AUTS2: variants seen among roughly 807,000 people sequenced by gnomAD.
The protein encoded by AUTS2 is activator of transcription and developmental regulator AUTS2, also known as autism susceptibility gene 2 protein.
Under a neutral mutation model 112.4 loss-of-function variants are expected in AUTS2, and 17 were observed. The ratio of observed to expected loss-of-function variants is 0.15; its 90% CI spans 0.10 to 0.23. The LOEUF is 0.23. Ranked by LOEUF, AUTS2 falls within the 10% of genes least tolerant of loss-of-function variation. AUTS2 has a pLI of 1.00. For missense variants in AUTS2, 1,510 were observed against 1,701.6 expected (o/e 0.89, Z 1.98); for synonymous variants, 751 against 702.7 (o/e 1.07, Z -1.09).
At chr7:70,303,475 G>C (rs991070801) in intron 4 of AUTS2, among the ~76,000 whole-genome samples, 30 of 106,426 alleles carry the variant, frequency 2.8e-4, no homozygotes, top group African/African-American at 8.2e-4. Flanking sequence ...CACACACACA[G>C]TGCTGCTGCA....
intron 6 of AUTS2, among the ~76,000 whole-genome samples, chr7:70,700,932 G>A (rs538500974): frequency 6.6e-6 from 1 of 152,286 alleles, no homozygotes; most frequent in South Asian, 2.1e-4. Context: ...CTTTAGCCAA[G>A]AGCAATAAAA....
chr7:69,685,150 G>A (rs561532628), intron 1 of AUTS2, among the ~76,000 whole-genome samples: 20 of 152,312 alleles, frequency 1.3e-4, no homozygotes, highest in African/African-American at 4.3e-4. Flanking sequence ...TCTCCCTAAG[G>A]CAGCTCCATG....
At chr7:70,589,830 T>C (rs904819202) in intron 5 of AUTS2, among the ~76,000 whole-genome samples, 2 of 152,208 alleles carry the variant, frequency 1.3e-5, no homozygotes, top group African/African-American at 4.8e-5. Context: ...TGGGGGAAGG[T>C]TGAGACCAGG....
chr7:70,258,377 A>G (rs1353300695), intron 4 of AUTS2, among the ~76,000 whole-genome samples: 2 of 152,234 alleles, frequency 1.3e-5, no homozygotes, highest in South Asian at 2.1e-4. Flanking sequence ...CGCAATTTTC[A>G]TAATTCAGTC....
intron 1 of AUTS2, among the ~76,000 whole-genome samples, chr7:69,822,841 C>T (rs183130199): frequency 3.2e-4 from 48 of 152,294 alleles, no homozygotes; most frequent in Non-Finnish European, 4.7e-4. Context: ...ATACATATGG[C>T]TGCTACTCCT....
intron 5 of AUTS2, among the ~76,000 whole-genome samples, chr7:70,684,168 A>C (rs1202814634): frequency 6.6e-6 from 1 of 152,134 alleles, no homozygotes; most frequent in Non-Finnish European, 1.5e-5. Flanking sequence ...ATCATTGTAT[A>C]TTAGCATAGA....
intron 4 of AUTS2, among the ~76,000 whole-genome samples, chr7:70,136,596 T>C (rs372813847): frequency 1.4e-4 from 21 of 152,216 alleles, no homozygotes; most frequent in African/African-American, 5.1e-4. Flanking sequence ...CTGTGCTTTG[T>C]GATTTGTGCT....
intron 4 of AUTS2, among the ~76,000 whole-genome samples, chr7:70,221,163 C>T (rs1197217199): frequency 6.6e-6 from 1 of 152,258 alleles, no homozygotes; most frequent in Non-Finnish European, 1.5e-5. Context: ...CTGTCTCAGC[C>T]TCCTGCATTG....
intron 5 of AUTS2, among the ~76,000 whole-genome samples, chr7:70,675,470 T>A (rs904245420): frequency 1.3e-5 from 2 of 152,200 alleles, no homozygotes; most frequent in African/African-American, 2.4e-5. Context: ...CACTCCAGCC[T>A]GGGCGACAGA....
chr7:69,715,319 T>A (rs1798552747), intron 1 of AUTS2, among the ~76,000 whole-genome samples: 1 of 152,040 alleles, frequency 6.6e-6, no homozygotes, highest in African/African-American at 2.4e-5. Context: ...TTTGAGTGGT[T>A]AAAGAGCTGA....
At chr7:69,787,483 G>A (rs1789429501) in intron 1 of AUTS2, among the ~76,000 whole-genome samples, 1 of 152,176 alleles carries the variant, frequency 6.6e-6, no homozygotes, top group Non-Finnish European at 1.5e-5. Flanking sequence ...GCCACCTTGT[G>A]TAAAACATTT....
At chr7:70,784,898 T>C (rs1158168892) in intron 15 of AUTS2, 44 bp from the exon 16 acceptor site, 4 of 1,592,104 alleles carry the variant, frequency 2.5e-6, no homozygotes, top group Non-Finnish European at 3.4e-6. Flanking sequence ...ATCTTCGAAG[T>C]TGGCTTTTTG....
chr7:69,782,909 C>T (rs1044893543), intron 1 of AUTS2, among the ~76,000 whole-genome samples: 3 of 151,952 alleles, frequency 2.0e-5, no homozygotes, highest in Admixed American at 6.6e-5. Context: ...TCATAATATT[C>T]TAGTTGTTTG....
intron 1 of AUTS2, among the ~76,000 whole-genome samples, chr7:69,662,024 CT>C (rs1795822079): frequency 1.3e-5 from 2 of 152,078 alleles, no homozygotes; most frequent in African/African-American, 2.4e-5. Context: ...AATTTTTCTT[CT>C]TTATTTGCTC....
At position 69,599,882 on chromosome 7, in the gene AUTS2, C is replaced by T; in HGVS notation, c.229C>T (p.Arg77Trp). The T allele has an allele frequency of 6.2e-7, 1 of 1,613,384 alleles. No individual in the cohort carries two copies. Among genetic ancestry groups the T allele is most frequent in the Non-Finnish European group, 8.5e-7 (1 of 1,179,910 alleles). Residue 77 changes from arginine (R) to tryptophan (W), a missense_variant, in exon 1 of 19, where the codon CGG becomes TGG. Physicochemically the swap from Arg to Trp is moderately radical, Grantham distance 101. This residue lies in a region of AUTS2 where 535 missense variants were observed against 594.3 expected (regional missense o/e 0.90). Transcript: ENST00000342771. This position sits in a 1 kb window ranked among gnomAD's most constrained non-coding sequence, Gnocchi z 7.0. ...PSRPRPPRRKRRESTSAEEDI... is the reference protein window; with the variant it reads ...PSRPRPPRRKWRESTSAEEDI... ...CCGGCCCAGACCCCCGCGGAGGAAG[C>T]GGAGAGAGTCCACCTCGGCAGAAGA...
intron 4 of AUTS2, among the ~76,000 whole-genome samples, chr7:70,312,126 T>C (rs973797688): frequency 6.6e-6 from 1 of 152,246 alleles, no homozygotes; most frequent in African/African-American, 2.4e-5. Flanking sequence ...CCCACAGTGC[T>C]GGGATTACAA....
intron 2 of AUTS2, among the ~76,000 whole-genome samples, chr7:70,022,082 G>A (rs1800300231): frequency 6.7e-6 from 1 of 150,008 alleles, no homozygotes; most frequent in Non-Finnish European, 1.5e-5. Context: ...TACATGAAAA[G>A]CAATCAAATA....
intron 6 of AUTS2, among the ~76,000 whole-genome samples, chr7:70,761,223 C>G (rs542936471): frequency 6.6e-6 from 1 of 152,310 alleles, no homozygotes; most frequent in South Asian, 2.1e-4. Flanking sequence ...AGGAGGATCA[C>G]TTGAGCCCAG....
chr7:70,779,294 G>T lies in AUTS2; in HGVS notation c.2004+2120G>T, dbSNP rs192266093. On this transcript the variant is annotated intron_variant, in intron 14 of 18. Transcript: ENST00000342771. ...ATTACATCTTCCCTCTCTCTGTAACGTTCATTTACGCATTCTTTTAGTCGT... is the reference window on the plus strand; with the variant it reads ...ATTACATCTTCCCTCTCTCTGTAACTTTCATTTACGCATTCTTTTAGTCGT... Among the ~76,000 whole-genome samples the T allele has an allele frequency of 2.2e-3, 330 of 152,254 alleles. 3 individuals are homozygous for T. The highest frequency in any genetic ancestry group is 7.6e-3 in the African/African-American group (315 of 41,556).
Sources: allele counts gnomAD v4.1 joint callset (sites outside exome capture counted in the v4.1 genomes callset), GRCh38; gene constraint gnomAD v4.1.1; regional missense constraint gnomAD v4.1.1; non-coding constraint Gnocchi (gnomAD v3.1); transcripts MANE v1.5; gene names NCBI Gene and HGNC (gene_info 2026-07-23, HGNC 2026-07-21).